Variants in MGAM2 observed in about 807,000 individuals in gnomAD.
MGAM2 encodes the protein maltase-glucoamylase 2 (putative), also known as probable maltase-glucoamylase 2.
MGAM2 carries 98 observed loss-of-function variants against 96.1 expected under a neutral mutation model. The observed-to-expected ratio is 1.02, with a 90% CI of 0.87 to 1.21. The LOEUF (loss-of-function observed/expected upper bound fraction) is 1.21. Among genes scored for constraint, MGAM2 ranks in the 50% most tolerant of loss-of-function variants. The pLI is 0.00. For missense variants in MGAM2, 2,055 were observed against 1,182.4 expected, an observed-to-expected ratio of 1.74 and a Z score of -10.82; for synonymous variants, 749 against 414.8, an observed-to-expected ratio of 1.81 and a Z score of -9.79.
intron 45 of MGAM2, among the ~76,000 whole-genome samples, chr7:142,205,099 G>C (rs2129103135): frequency 6.6e-6 from 1 of 152,274 alleles, no homozygotes; most frequent in East Asian, 1.9e-4. Context: ...TAGTGCCCAT[G>C]ATTAGACAGT....
chr7:142,134,777 A>T (rs375315292), intron 7 of MGAM2, among the ~76,000 whole-genome samples: 2 of 94,872 alleles, frequency 2.1e-5, no homozygotes, highest in Admixed American at 1.1e-4. Flanking sequence ...CTAGTTTCTT[A>T]AAAAAAAAAA....
rs541886889 is a variant in MGAM2, at chr7:142,130,429, T to C, written c.187-519T>C. On this transcript the variant is annotated intron_variant, in intron 3 of 47. Transcript: ENST00000477922. ...TCCAGCTTCATTCTCATACTTAATG[T>C]TTTTGGCACAAGAAATGTGTGGTTT... 2.0e-5 allele frequency among the ~76,000 whole-genome samples: 3 copies of C among 152,336 alleles called. No individual in the cohort carries two copies. In the South Asian group the frequency reaches 6.2e-4, roughly 32 times the overall value.
intron 10 of MGAM2, among the ~76,000 whole-genome samples, chr7:142,140,187 C>T (rs944336466): frequency 3.9e-5 from 6 of 152,156 alleles, no homozygotes; most frequent in African/African-American, 1.4e-4. Flanking sequence ...CATCAGCCCC[C>T]CTACCTCCCA....
intron 22 of MGAM2, 21 bp from the exon 23 acceptor site, chr7:142,161,934 G>C (rs950310002): frequency 1.5e-6 from 1 of 687,316 alleles, no homozygotes; most frequent in Non-Finnish European, 2.6e-6. Flanking sequence ...ATAGTAACCG[G>C]TACTCCTCTT....
intron 46 of MGAM2, among the ~76,000 whole-genome samples, chr7:142,209,560 TA>T (rs1487251556): frequency 6.6e-6 from 1 of 152,256 alleles, no homozygotes; most frequent in Admixed American, 6.5e-5. Flanking sequence ...CTAGTCACTT[TA>T]ACCAAGAAGT....
chr7:142,159,639 G>A (rs143450508), intron 20 of MGAM2, among the ~76,000 whole-genome samples: 1 of 152,210 alleles, frequency 6.6e-6, no homozygotes, highest in African/African-American at 2.4e-5. Context: ...CTGCTTCACT[G>A]ATGGCACCTC....
In MGAM2 at chr7:142,197,167, T is replaced by C. The variant is rs79144358; in HGVS notation, c.4633-233T>C. ...ACGGAAACCTCTCTCTGTACACATGTAGAGGGCCAGAGCTGGACCTATTCC... is the reference window on the plus strand; with the variant it reads ...ACGGAAACCTCTCTCTGTACACATGCAGAGGGCCAGAGCTGGACCTATTCC... On this transcript the variant is annotated intron_variant, in intron 40 of 47. Coordinates refer to ENST00000477922, the MANE Select transcript of MGAM2 (RefSeq NM_001293626.2). 8.4e-3 allele frequency among the ~76,000 whole-genome samples: 1,282 copies of C among 152,234 alleles called. 86 individuals are homozygous for C. In the East Asian group the frequency reaches 0.17, roughly 20 times the overall value.
intron 3 of MGAM2, among the ~76,000 whole-genome samples, chr7:142,129,928 A>G (rs1794839336): frequency 6.7e-6 from 1 of 150,140 alleles, no homozygotes; most frequent in Non-Finnish European, 1.5e-5. Context: ...TGTTTTATAA[A>G]CAGATTTGTA....
chr7:142,190,992 A>G (rs76816470), intron 37 of MGAM2, among the ~76,000 whole-genome samples: 2,503 of 152,168 alleles, frequency 0.016, 16 homozygotes, highest in Non-Finnish European at 0.028. Context: ...CAAACTAGCC[A>G]GGCAGAATGG....
In MGAM2 at chr7:142,130,953, C is replaced by A. The variant is rs1193009837; in HGVS notation, c.192C>A (p.Ile64=). ...CTPDQEVTED[I]CRWQYKCCWS... The stretch of plus-strand genomic sequence containing the variant: ...ACTCTGTGTCATTGTTACAGGATAT[C>A]TGCAGATGGCAATATAAGTGCTGCT... The change falls in exon 4 of 48, where the codon ATC becomes ATA. Residue 64 remains isoleucine, a synonymous_variant. Coordinates refer to ENST00000477922, the MANE Select transcript of MGAM2 (RefSeq NM_001293626.2). The A allele has an allele frequency of 1.4e-6, 1 of 702,692 alleles. No homozygotes were observed. The highest frequency in any genetic ancestry group is 2.0e-5 in the Admixed American group (1 of 50,010). 43.5% of individuals were successfully genotyped at this position (702,692 alleles called of 1,614,324 possible).
At chr7:142,172,841 G>A (rs1796239932) in intron 30 of MGAM2, 77 bp downstream of exon 30, 1 of 597,628 alleles carries the variant, frequency 1.7e-6, no homozygotes, top group Non-Finnish European at 3.0e-6. Flanking sequence ...CTGAGATAGG[G>A]CAGTTTTTTC....
chr7:142,133,199 AATATAAAT>A (rs889498105), intron 6 of MGAM2, among the ~76,000 whole-genome samples: 1 of 142,174 alleles, frequency 7.0e-6, no homozygotes, highest in African/African-American at 2.6e-5. Flanking sequence ...TAATATATTA[AATATAAAT>A]ATATAAATAT....
intron 12 of MGAM2, among the ~76,000 whole-genome samples, chr7:142,142,524 GTTTTTTTTTTTT>G (rs746342532): frequency 1.3e-5 from 1 of 78,890 alleles, no homozygotes; most frequent in Non-Finnish European, 2.4e-5. Flanking sequence ...AGTGGTGTGT[GTTTTTTTTTTTT>G]TTTTTTTTTT....
intron 45 of MGAM2, chr7:142,208,308 T>C (rs2129104461): frequency 1.7e-6 from 1 of 586,980 alleles, no homozygotes. Context: ...ACACTTCAGG[T>C]AATCTATCCT....
At chr7:142,188,109 AACACACACACACACAC>A (rs60052742) in intron 36 of MGAM2, among the ~76,000 whole-genome samples, 4 of 143,564 alleles carry the variant, frequency 2.8e-5, no homozygotes, top group Non-Finnish European at 6.1e-5. Flanking sequence ...TAAACCCTTA[AACACACACACACACAC>A]ACACACACAC....
intron 32 of MGAM2, among the ~76,000 whole-genome samples, chr7:142,181,142 G>T (rs145440378): frequency 8.8e-4 from 134 of 152,268 alleles, no homozygotes; most frequent in African/African-American, 3.2e-3. Flanking sequence ...TTCTTGTGCT[G>T]ATTCTTTCTC....
At chr7:142,145,043 C>T in intron 14 of MGAM2, 98 bp downstream of exon 14, 1 of 645,254 alleles carries the variant, frequency 1.5e-6, no homozygotes, top group Non-Finnish European at 2.8e-6. Context: ...ACTTCCTAGT[C>T]CAAGGGGTCT....
At chr7:142,150,049 T>C (rs1013490743) in intron 15 of MGAM2, among the ~76,000 whole-genome samples, 6 of 151,272 alleles carry the variant, frequency 4.0e-5, no homozygotes, top group Non-Finnish European at 1.5e-5. Flanking sequence ...TCAAGCGATT[T>C]TCCTGCCTCA....
chr7:142,141,564 A>T (rs1795231354), intron 12 of MGAM2, among the ~76,000 whole-genome samples: 1 of 152,024 alleles, frequency 6.6e-6, no homozygotes, highest in Admixed American at 6.6e-5. Flanking sequence ...TAATGGCATG[A>T]TCTTGACTCA....
Sources: allele counts gnomAD v4.1 joint callset (sites outside exome capture counted in the v4.1 genomes callset), GRCh38; gene constraint gnomAD v4.1.1; transcripts MANE v1.5; gene names NCBI Gene and HGNC (gene_info 2026-07-23, HGNC 2026-07-21).